TPTE2: variants seen among roughly 807,000 people sequenced by gnomAD.
TPTE2 encodes transmembrane phosphoinositide 3-phosphatase and tensin homolog 2, also known as phosphatidylinositol 3,4,5-trisphosphate 3-phosphatase TPTE2.
In TPTE2, 53 loss-of-function variants were observed where a neutral mutation model predicts 78.6. The ratio of observed to expected loss-of-function variants is 0.67; its 90% CI spans 0.54 to 0.85. The LOEUF (loss-of-function observed/expected upper bound fraction) is 0.85, where lower values mean the gene tolerates loss of function less well. Ranked by LOEUF, TPTE2 falls within the 40% of genes least tolerant of loss-of-function variation. TPTE2 has a pLI of 0.00. For synonymous variants in TPTE2, 175 were observed against 206.2 expected (o/e 0.85, Z 1.30); for missense variants, 461 against 623.0 (o/e 0.74, Z 2.77).
chr13:19,497,761 A>T (rs1321049330), intron 1 of TPTE2, among the ~76,000 whole-genome samples: 1 of 151,688 alleles, frequency 6.6e-6, no homozygotes, highest in African/African-American at 2.4e-5. Flanking sequence ...CTCCAAAGGA[A>T]CGCAGTTCCT....
chr13:19,467,053 CA>C (rs766199242), intron 7 of TPTE2, among the ~76,000 whole-genome samples, 171 bp downstream of exon 10: 97 of 152,142 alleles, frequency 6.4e-4, no homozygotes, highest in Non-Finnish European at 1.2e-3. Context: ...CTAAATATCA[CA>C]ATCTTTTAGT....
chr13:19,494,923 T>G (rs1366845377), intron 1 of TPTE2, among the ~76,000 whole-genome samples: 1 of 152,220 alleles, frequency 6.6e-6, no homozygotes, highest in Non-Finnish European at 1.5e-5. Context: ...TAAATTGACC[T>G]GGGATGGCAT....
chr13:19,499,737 G>T lies in TPTE2; in HGVS notation c.11+3487C>A, dbSNP rs1423065871. 6.3e-3 allele frequency among the ~76,000 whole-genome samples: 866 copies of T among 138,478 alleles called. 9 individuals are homozygous for T. The highest frequency in any genetic ancestry group is 0.023 in the African/African-American group (821 of 35,318). The allele number at this position is 138,478 out of a possible 152,430, so 90.8% of individuals were successfully genotyped here. ...TGACACCCTAACATCACAATTAAAA[G>T]AACTAGAAAAGCAAGAGCAAACACA... On this transcript the variant is annotated intron_variant, in intron 1 of 19. Coordinates refer to ENST00000400230, the Ensembl canonical transcript of TPTE2.
rs56140648 is a variant in TPTE2, at chr13:19,453,538, C to CATATATATATATATATATAT, written c.742-2333_742-2314dup. On this transcript the variant is annotated intron_variant, in intron 10 of 19. Transcript: ENST00000400230. ...TGATATATATATATCATTTTATAAT[C>CATATATATATATATATATAT]ATATATATATATATATATATATATA... Among the ~76,000 whole-genome samples, 185 of 140,098 alleles carry CATATATATATATATATATAT rather than the reference C, an allele frequency of 1.3e-3. 5 individuals carry two copies. Among genetic ancestry groups the CATATATATATATATATATAT allele is most frequent in the African/African-American group, 4.3e-3 (150 of 34,866 alleles). 91.9% of individuals were successfully genotyped at this position (140,098 alleles called of 152,430 possible). A position where few individuals can be genotyped will look rare whatever the true frequency, so the allele number is the denominator to read the frequency against.
rs1871187359 is a variant in TPTE2 at position 19,535,885 on chromosome 13, C to G, written c.-44+711G>C. Among the ~76,000 whole-genome samples, 1 of 152,126 alleles carries G rather than the reference C, an allele frequency of 6.6e-6. No individual in the cohort carries two copies. Among genetic ancestry groups the G allele is most frequent in the African/African-American group, 2.4e-5 (1 of 41,424 alleles). On this transcript the variant is annotated intron_variant, in intron 1 of 17. Coordinates refer to the TPTE2 transcript ENST00000390680. The surrounding 1 kb of genome is among the most constrained non-coding windows in gnomAD (Gnocchi z 5.1). ...TCCTGGCCTCAAGTGATCTGCCTGC[C>G]TTGGCCTCCCAAAGTGCTGGGATTA...
intron 13 of TPTE2, among the ~76,000 whole-genome samples, chr13:19,449,178 A>G (rs1372179121): frequency 6.6e-6 from 1 of 152,072 alleles, no homozygotes; most frequent in East Asian, 1.9e-4. Flanking sequence ...CTTTATTATT[A>G]TTGTTATTTT....
intron 19 of TPTE2, among the ~76,000 whole-genome samples, chr13:19,423,553 A>G (rs1449907007): frequency 6.6e-6 from 1 of 152,190 alleles, no homozygotes; most frequent in Non-Finnish European, 1.5e-5. Context: ...TTACAATCAG[A>G]CCTTGGAAAT....
rs117517662 is a variant in TPTE2 at position 19,433,022 on chromosome 13, C to T, written c.1117-444G>A. Among the ~76,000 whole-genome samples the T allele has an allele frequency of 1.7e-3, 256 of 152,250 alleles. 2 individuals carry two copies. In the East Asian group the frequency reaches 0.031, roughly 18 times the overall value. On this transcript the variant is annotated intron_variant, in intron 15 of 19. Transcript: ENST00000400230. ...CTCCAAACCTCAGTAGCAGGTTTCC[C>T]GTCACTCTTCTCTTGTTCCTGACAG...
chr13:19,486,471 A>G lies in TPTE2; in HGVS notation c.120-3924T>C, dbSNP rs1880669262. 6.6e-6 allele frequency among the ~76,000 whole-genome samples: 1 copy of G among 152,146 alleles called. No homozygotes were observed. The highest frequency in any genetic ancestry group is 1.5e-5 in the Non-Finnish European group (1 of 68,024). On this transcript the variant is annotated intron_variant, in intron 3 of 19. Coordinates refer to ENST00000400230, the Ensembl canonical transcript of TPTE2. This position sits in a 1 kb window ranked among gnomAD's most constrained non-coding sequence, Gnocchi z 4.3. The stretch of plus-strand genomic sequence containing the variant: ...CCATGGTGCTGTCACTCTAGCCAGG[A>G]GCATGGGGATGCAGTTGCTCAACCA...
chr13:19,430,635 G>A (rs1876510479), intron 16 of TPTE2, 88 bp from the exon 20 acceptor site: 2 of 847,250 alleles, frequency 2.4e-6, no homozygotes, highest in African/African-American at 1.7e-5. Context: ...ATTAAAAAGA[G>A]AAAAAATTAT....
chr13:19,561,219 A>C, the TPTE2 span: 1 of 1,422,702 alleles, frequency 7.0e-7, no homozygotes, highest in Non-Finnish European at 9.7e-7. Flanking sequence ...CGGCTCTGCC[A>C]TGATGTAGTG....
chr13:19,433,530 C>T (rs1876836486), intron 15 of TPTE2, among the ~76,000 whole-genome samples: 1 of 152,040 alleles, frequency 6.6e-6, no homozygotes, highest in African/African-American at 2.4e-5. Context: ...CAAAACAAAG[C>T]AAAACTCATA....
intron 1 of TPTE2, among the ~76,000 whole-genome samples, chr13:19,500,740 C>T (rs1177339039): frequency 6.7e-6 from 1 of 149,186 alleles, no homozygotes; most frequent in African/African-American, 2.5e-5. Flanking sequence ...AAAACTGGCA[C>T]AAGACAGGGA....
At chr13:19,487,176 C>T (rs562410807) in intron 3 of TPTE2, among the ~76,000 whole-genome samples, 1 of 152,218 alleles carries the variant, frequency 6.6e-6, no homozygotes, top group South Asian at 2.1e-4. Context: ...TATGTGGCTG[C>T]TTAGTTGGCC....
chr13:19,461,542 C>G (rs1444671536), intron 10 of TPTE2, among the ~76,000 whole-genome samples: 1 of 152,148 alleles, frequency 6.6e-6, no homozygotes. Context: ...GCTTAAATCT[C>G]ATATTTCTTT....
intron 6 of TPTE2, among the ~76,000 whole-genome samples, chr13:19,471,595 TTTG>T (rs1308263903): frequency 6.6e-6 from 1 of 151,206 alleles, no homozygotes; most frequent in South Asian, 2.1e-4. Context: ...TATTTAACTT[TTTG>T]TTATTTCTAT....
At chr13:19,555,447 G>A in the TPTE2 span, among the ~76,000 whole-genome samples, 2 of 152,162 alleles carry the variant, frequency 1.3e-5, no homozygotes, top group Non-Finnish European at 2.9e-5. Flanking sequence ...GAAAACAACA[G>A]TGAACAATTG....
At chr13:19,473,058 GTC>G (rs142110104) in intron 6 of TPTE2, among the ~76,000 whole-genome samples, 8 of 151,290 alleles carry the variant, frequency 5.3e-5, no homozygotes, top group South Asian at 4.2e-4. Context: ...CAAACAAAGA[GTC>G]TCTCTCTCTC....
rs1344190064 is a variant in TPTE2, at chr13:19,462,495, T to C, written c.741+1961A>G. On this transcript the variant is annotated intron_variant, in intron 10 of 19. Coordinates refer to ENST00000400230, the Ensembl canonical transcript of TPTE2. ...ACTGTTAATCAAATGGAGTTTCTCTTATATGTGACTTGATGCTTTTTTCTT... is the reference window on the plus strand; with the variant it reads ...ACTGTTAATCAAATGGAGTTTCTCTCATATGTGACTTGATGCTTTTTTCTT... Among the ~76,000 whole-genome samples the C allele has an allele frequency of 3.3e-5, 5 of 151,956 alleles. No homozygotes were observed. In the East Asian group the frequency reaches 9.6e-4, roughly 29 times the overall value.
Sources: allele counts gnomAD v4.1 joint callset (sites outside exome capture counted in the v4.1 genomes callset), GRCh38; gene constraint gnomAD v4.1.1; non-coding constraint Gnocchi (gnomAD v3.1); transcripts MANE v1.5; gene names NCBI Gene and HGNC (gene_info 2026-07-23, HGNC 2026-07-21).